The following SNAP91 variants were observed in gnomAD, a reference collection of about 807,000 sequenced individuals.
SNAP91 encodes the protein synaptosome associated protein 91.
Under a neutral mutation model 100.3 loss-of-function variants are expected in SNAP91, and 27 were observed. That is an observed-to-expected ratio of 0.27 (90% CI 0.20 to 0.37). The LOEUF is 0.37. Among genes scored for constraint, SNAP91 ranks in the 10% least tolerant of loss-of-function variants. The probability of loss-of-function intolerance (pLI) is 1.00; values close to 1 mark genes in which losing one functional copy is unlikely to be tolerated. For synonymous variants in SNAP91, 404 were observed against 398.6 expected (o/e 1.01, Z -0.16); for missense variants, 986 against 1,123.7 (o/e 0.88, Z 1.75).
In SNAP91 at chr6:83,560,167, C is replaced by G; in HGVS notation, c.2568G>C (p.Pro856=). The G allele has an allele frequency of 6.2e-7, 1 of 1,613,868 alleles. No individual in the cohort carries two copies. Among genetic ancestry groups the G allele is most frequent in the South Asian group, 1.1e-5 (1 of 91,078 alleles). ...TCATCATGGGCTGTGCAAACATGAC[C>G]GGCTGCTGAGGCATCATGGGCATGC... ...GTGMPMMPQQ[P]VMFAQPMMRP... Residue 856 remains proline (P), a synonymous_variant, in exon 28 of 30, where the codon CCG becomes CCC. Coordinates refer to ENST00000369694, the MANE Select transcript of SNAP91 (RefSeq NM_001242792.2).
chr6:83,666,540 A>G (rs1418338437), intron 2 of SNAP91, among the ~76,000 whole-genome samples: 3 of 152,116 alleles, frequency 2.0e-5, no homozygotes, highest in African/African-American at 7.2e-5. Context: ...ATGCACATGT[A>G]TTCTTCTTAC....
chr6:83,571,110 C>CT (rs60946158), intron 26 of SNAP91, among the ~76,000 whole-genome samples: 204 of 144,934 alleles, frequency 1.4e-3, no homozygotes, highest in South Asian at 2.9e-3. Context: ...GCGCCCACCT[C>CT]TTTTTTTTTT....
In SNAP91 at chr6:83,576,870, G is replaced by A. The variant is rs190192227; in HGVS notation, c.2300-817C>T. ...TTTATTACTTCAGAAAATATTTTGT[G>A]AGCATCTACATATGCCAGGCACTGT... is the stretch of plus-strand genomic sequence containing the variant. On this transcript the variant is annotated intron_variant, in intron 24 of 29. Transcript: ENST00000369694. Among the ~76,000 whole-genome samples the A allele has an allele frequency of 5.3e-5, 8 of 152,238 alleles. No individual in the cohort carries two copies. In the East Asian group the frequency reaches 1.3e-3, roughly 26 times the overall value.
Position 83,580,495 on chromosome 6 carries a change from C to G in SNAP91, c.2254G>C (p.Ala752Pro). The stretch of plus-strand genomic sequence containing the variant: ...GATGAATCAAGATCACTTCCAAGGG[C>G]TTTGCTGGCTGCCATTGCAGGACTG... ...PPSPAMAASK[A>P]LGSDLDSSLA... is the part of the protein sequence containing the mutation. The change falls in exon 24 of 30, where the codon GCC becomes CCC. Residue 752 changes from alanine (A) to proline (P), a missense_variant. Around this residue, in one of 4 missense-constraint regions of SNAP91, gnomAD observed 575 missense variants for 579.9 expected, o/e 0.99. Coordinates refer to ENST00000369694, the MANE Select transcript of SNAP91 (RefSeq NM_001242792.2). 1 of 1,613,648 alleles carries G rather than the reference C, an allele frequency of 6.2e-7. No homozygotes were observed.
At position 83,678,522 on chromosome 6, in the gene SNAP91, G is replaced by A. The variant is rs537490471; in HGVS notation, c.131-12941C>T. The stretch of plus-strand genomic sequence containing the variant: ...CCAATCAAGCTGCCTACCCACACAC[G>A]TGAAACTTATGTTTCCTAAAAATAA... On this transcript the variant is annotated intron_variant, in intron 2 of 29. Transcript: ENST00000369694. 1.4e-4 allele frequency among the ~76,000 whole-genome samples: 22 copies of A among 152,256 alleles called. 1 individual carries two copies. In the South Asian group the frequency reaches 4.1e-3, roughly 29 times the overall value.
chr6:83,603,969 A>G (rs1027355339), intron 14 of SNAP91, among the ~76,000 whole-genome samples: 1 of 152,162 alleles, frequency 6.6e-6, no homozygotes, highest in Admixed American at 6.5e-5. Context: ...TATGTGTCTT[A>G]GCAAAAAGTA....
At chr6:83,669,998 T>C (rs1014766739) in intron 2 of SNAP91, among the ~76,000 whole-genome samples, 4 of 151,982 alleles carry the variant, frequency 2.6e-5, no homozygotes, top group Non-Finnish European at 4.4e-5. Context: ...TTCATTTCTC[T>C]TGGGTAATTT....
intron 22 of SNAP91, among the ~76,000 whole-genome samples, chr6:83,584,063 G>A (rs1352846566): frequency 6.6e-6 from 1 of 152,136 alleles, no homozygotes; most frequent in Non-Finnish European, 1.5e-5. Flanking sequence ...AGCCAAGGTA[G>A]GTTAAAAGTA....
At chr6:83,608,229 T>C (rs1473195085) in intron 12 of SNAP91, among the ~76,000 whole-genome samples, 3 of 152,100 alleles carry the variant, frequency 2.0e-5, no homozygotes, top group Admixed American at 6.6e-5. Context: ...TCATGTGAGG[T>C]CCTCTCAGAT....
chr6:83,652,997 C>A (rs2098268264), intron 7 of SNAP91, among the ~76,000 whole-genome samples: 1 of 152,100 alleles, frequency 6.6e-6, no homozygotes, highest in African/African-American at 2.4e-5. Context: ...TGTTTTCTCC[C>A]TCTGGCTTTT....
chr6:83,592,796 C>T lies in SNAP91; in HGVS notation c.1846+150G>A, dbSNP rs572246185. On this transcript the variant is annotated intron_variant, in intron 20 of 29. Coordinates refer to ENST00000369694, the MANE Select transcript of SNAP91 (RefSeq NM_001242792.2). ...TTAAATTTGAAATATTAACCCTCAACGGTTGATGATGGTCCCAAGAGTGAG... is the reference window on the plus strand; with the variant it reads ...TTAAATTTGAAATATTAACCCTCAATGGTTGATGATGGTCCCAAGAGTGAG... 1.4e-4 allele frequency: 105 copies of T among 726,088 alleles called. No homozygotes were observed. In the East Asian group the frequency reaches 1.8e-3, roughly 12 times the overall value. The allele number at this position is 726,088 out of a possible 1,614,324, so 45.0% of individuals were successfully genotyped here. A position where few individuals can be genotyped will look rare whatever the true frequency, so the allele number is the denominator to read the frequency against.
intron 12 of SNAP91, among the ~76,000 whole-genome samples, chr6:83,609,647 C>T (rs935872698): frequency 6.6e-6 from 1 of 152,142 alleles, no homozygotes; most frequent in South Asian, 2.1e-4. Context: ...GAACTACAGA[C>T]CTATAGAAGT....
chr6:83,669,559 T>C (rs1405099083), intron 2 of SNAP91, among the ~76,000 whole-genome samples: 1 of 150,244 alleles, frequency 6.7e-6, no homozygotes, highest in Non-Finnish European at 1.5e-5. Flanking sequence ...GACAAACCTA[T>C]ACACTCATAA....
At chr6:83,666,467 G>A (rs1586524274) in intron 2 of SNAP91, among the ~76,000 whole-genome samples, 1 of 152,166 alleles carries the variant, frequency 6.6e-6, no homozygotes, top group Admixed American at 6.6e-5. Context: ...ATCTTGCAGA[G>A]ACCTGCATGT....
At chr6:83,649,712 C>T (rs1206500190) in intron 7 of SNAP91, among the ~76,000 whole-genome samples, 1 of 151,250 alleles carries the variant, frequency 6.6e-6, no homozygotes, top group African/African-American at 2.4e-5. Context: ...TCCCTAGTAG[C>T]TGGGACTATA....
In SNAP91 at chr6:83,593,532, T is replaced by C. The variant is rs753356237; in HGVS notation, c.1642A>G (p.Thr548Ala). The C allele has an allele frequency of 1.9e-6, 3 of 1,552,628 alleles. No homozygotes were observed. The highest frequency in any genetic ancestry group is 1.2e-5 in the South Asian group (1 of 84,316). The change falls in exon 18 of 30, where the codon ACC (threonine) becomes GCC (alanine). Residue 548 changes from threonine to alanine, a missense_variant. Thr to Ala is a moderately conservative substitution (Grantham distance 58). Coordinates refer to ENST00000369694, the MANE Select transcript of SNAP91 (RefSeq NM_001242792.2). ...GTGGTGGCGGTGGCAGCGGAGGTGG[T>C]GGTAGTGGTGGTGGCAGCGGCGGTG... ...AATAAATTTT[T>A]TSAATATTAP... is the part of the protein sequence containing the mutation.
chr6:83,674,433 CA>C (rs369880003), intron 2 of SNAP91, among the ~76,000 whole-genome samples: 2,511 of 149,664 alleles, frequency 0.017, 72 homozygotes, highest in African/African-American at 0.055. Flanking sequence ...GATTCCATCT[CA>C]AAAAAAAAGA....
intron 26 of SNAP91, among the ~76,000 whole-genome samples, chr6:83,565,662 C>T (rs1410744800): frequency 6.6e-6 from 1 of 152,060 alleles, no homozygotes; most frequent in African/African-American, 2.4e-5. Flanking sequence ...CATAAATAGA[C>T]CTTTCTCTAA....
intron 8 of SNAP91, among the ~76,000 whole-genome samples, chr6:83,635,231 G>A (rs1286152846): frequency 6.6e-6 from 1 of 152,190 alleles, no homozygotes; most frequent in Non-Finnish European, 1.5e-5. Context: ...AATGCTTTCA[G>A]TGGGGTGATG....
Sources: allele counts gnomAD v4.1 joint callset (sites outside exome capture counted in the v4.1 genomes callset), GRCh38; gene constraint gnomAD v4.1.1; regional missense constraint gnomAD v4.1.1; transcripts MANE v1.5; gene names NCBI Gene and HGNC (gene_info 2026-07-23, HGNC 2026-07-21).